Variants in CCDC50 observed in about 807,000 individuals in gnomAD.
CCDC50 encodes coiled-coil domain-containing protein 50.
A neutral mutation model predicts 70.2 loss-of-function variants in CCDC50; 54 were observed. The ratio of observed to expected loss-of-function variants is 0.77; its 90% CI spans 0.62 to 0.96. CCDC50 has a LOEUF of 0.96. CCDC50 is among the 50% of genes least tolerant of loss of function. CCDC50 has a pLI of 0.00. For synonymous variants in CCDC50, 216 were observed against 198.8 expected (o/e 1.09, Z -0.73); for missense variants, 558 against 578.7 (o/e 0.96, Z 0.37).
chr3:191,348,526 T>TA (rs1223154745), intron 1 of CCDC50, among the ~76,000 whole-genome samples: 1 of 142,426 alleles, frequency 7.0e-6, no homozygotes, highest in African/African-American at 2.5e-5. Context: ...GGGATTATTA[T>TA]ACTAAGGATA....
chr3:191,335,937 C>T (rs76935700), intron 1 of CCDC50, among the ~76,000 whole-genome samples: 2,582 of 149,998 alleles, frequency 0.017, 74 homozygotes, highest in African/African-American at 0.059. Context: ...CGTTTCATGC[C>T]CCCACCAGCC....
intron 6 of CCDC50, among the ~76,000 whole-genome samples, chr3:191,378,827 T>G (rs186066): frequency 6.6e-6 from 1 of 151,260 alleles, no homozygotes; most frequent in African/African-American, 2.4e-5. Context: ...GGCTCTAGAG[T>G]TGATTTGAAG....
In CCDC50 at chr3:191,393,767, A is replaced by T. The variant is rs1713771631; in HGVS notation, c.*2007A>T. The stretch of plus-strand genomic sequence containing the variant: ...TCAAATTCCAGATAGTGCTTTCAAT[A>T]TCCAAAGCTTAGGCCTTGTTTACTT... On this transcript the variant is annotated 3_prime_UTR_variant, in exon 12 of 12. Coordinates refer to ENST00000392455, the MANE Select transcript of CCDC50 (RefSeq NM_178335.3). The T allele has an allele frequency of 2.0e-5, 3 of 152,142 alleles. No homozygotes were observed. The allele number at this position is 152,142 out of a possible 1,614,324, so 9.4% of individuals were successfully genotyped here.
chr3:191,352,749 C>T (rs973727183), intron 1 of CCDC50, among the ~76,000 whole-genome samples: 1 of 125,490 alleles, frequency 8.0e-6, no homozygotes, highest in Non-Finnish European at 1.7e-5. Flanking sequence ...GCAGTATCTC[C>T]AAGATATGCC....
At chr3:191,349,076 C>T (rs951232062) in intron 1 of CCDC50, among the ~76,000 whole-genome samples, 3 of 141,196 alleles carry the variant, frequency 2.1e-5, no homozygotes, top group Non-Finnish European at 4.8e-5. Context: ...TCCCTACTTG[C>T]CCTGCTGATG....
At chr3:191,366,255 G>A (rs542123477) in intron 4 of CCDC50, among the ~76,000 whole-genome samples, 139 of 152,102 alleles carry the variant, frequency 9.1e-4, no homozygotes, top group South Asian at 3.1e-3. Context: ...TTTGACACAG[G>A]GCACACGTCT....
intron 1 of CCDC50, among the ~76,000 whole-genome samples, chr3:191,349,406 T>C (rs1005673661): frequency 7.0e-6 from 1 of 142,118 alleles, no homozygotes; most frequent in South Asian, 2.2e-4. Flanking sequence ...TTGAACAATA[T>C]CTTCTCTTCC....
At position 191,380,879 on chromosome 3, in the gene CCDC50, A is replaced by G; in HGVS notation, c.1189A>G (p.Lys397Glu). The G allele has an allele frequency of 6.2e-7, 1 of 1,613,044 alleles. No individual in the cohort carries two copies. Among genetic ancestry groups the G allele is most frequent in the African/African-American group, 1.3e-5 (1 of 74,996 alleles). Residue 397 changes from lysine to glutamate, a missense_variant, in exon 9 of 12, where the codon AAG becomes GAG. Physicochemically the swap from Lys to Glu is moderately conservative, Grantham distance 56. Transcript: ENST00000392455. ...AGAAAAGAAAGCTTACAAAAAAGCC[A>G]AGGAGCGGGAGAAATCATCTTTGGA... is the stretch of plus-strand genomic sequence containing the variant. ...AEEKKAYKKA[K>E]EREKSSLDKR...
intron 10 of CCDC50, 105 bp from the exon 11 acceptor site, chr3:191,389,391 T>G (rs1713604322): frequency 5.0e-6 from 5 of 1,002,506 alleles, no homozygotes; most frequent in Non-Finnish European, 8.0e-6. Context: ...GCATTTTGGC[T>G]TTTCATTTCA....
At chr3:191,361,185 C>A in intron 4 of CCDC50, 26 bp downstream of exon 4, 1 of 1,533,640 alleles carries the variant, frequency 6.5e-7, no homozygotes, top group Non-Finnish European at 9.0e-7. Flanking sequence ...TGCCCCTCTC[C>A]CTCATGGAGA....
chr3:191,338,238 A>C (rs1437837478), intron 1 of CCDC50, among the ~76,000 whole-genome samples: 1 of 152,204 alleles, frequency 6.6e-6, no homozygotes, highest in African/African-American at 2.4e-5. Flanking sequence ...ATATTCACTA[A>C]TTTTTGAGTA....
At chr3:191,344,260 C>T (rs1433581343) in intron 1 of CCDC50, among the ~76,000 whole-genome samples, 3 of 152,106 alleles carry the variant, frequency 2.0e-5, no homozygotes, top group South Asian at 2.1e-4. Flanking sequence ...TCTGTCATAC[C>T]GTCACGTTGT....
chr3:191,379,202 G>T (rs1159726171), intron 6 of CCDC50, among the ~76,000 whole-genome samples: 1 of 151,886 alleles, frequency 6.6e-6, no homozygotes, highest in African/African-American at 2.4e-5. Flanking sequence ...TCAAGGACAG[G>T]GCACACCCAG....
At chr3:191,375,693 T>C in intron 6 of CCDC50, 104 bp downstream of exon 6, 1 of 1,182,288 alleles carries the variant, frequency 8.5e-7, no homozygotes. Flanking sequence ...CTCTAGTTCA[T>C]GCTCATGACT....
Position 191,396,789 on chromosome 3 carries a change from A to G in CCDC50, c.*5029A>G, listed in dbSNP as rs1394301418. On this transcript the variant is annotated 3_prime_UTR_variant, in exon 12 of 12. Coordinates refer to ENST00000392455, the MANE Select transcript of CCDC50 (RefSeq NM_178335.3). ...TTTGCTTTGATAAGAAAGACACCAG[A>G]GTGGTGATTCTGTTTGATGCCACAG... 1 of 152,218 alleles carries G rather than the reference A, an allele frequency of 6.6e-6. No homozygotes were observed. Among genetic ancestry groups the G allele is most frequent in the Non-Finnish European group, 1.5e-5 (1 of 68,024 alleles). 9.4% of individuals were successfully genotyped at this position (152,218 alleles called of 1,614,324 possible). A position where few individuals can be genotyped will look rare whatever the true frequency, so the allele number is the denominator to read the frequency against.
At chr3:191,357,062 G>T (rs781119865) in intron 1 of CCDC50, 26 bp from the exon 2 acceptor site, 2 of 1,503,408 alleles carry the variant, frequency 1.3e-6, no homozygotes, top group African/African-American at 1.4e-5. Context: ...GAGCCTTCCT[G>T]TCTGTTTTTC....
chr3:191,330,747 C>A (rs1269637639), intron 1 of CCDC50, among the ~76,000 whole-genome samples: 3 of 152,164 alleles, frequency 2.0e-5, no homozygotes, highest in Non-Finnish European at 4.4e-5. Context: ...CTTAATTTGA[C>A]TCCGTTGGTC....
At chr3:191,360,817 GTGA>G (rs1487598087) in intron 3 of CCDC50, among the ~76,000 whole-genome samples, 1 of 152,146 alleles carries the variant, frequency 6.6e-6, no homozygotes, top group African/African-American at 2.4e-5. Context: ...ATTGTTGGGT[GTGA>G]TGATCAGATT....
intron 1 of CCDC50, among the ~76,000 whole-genome samples, chr3:191,329,950 G>A (rs1032030282): frequency 3.4e-4 from 49 of 143,032 alleles, no homozygotes; most frequent in Non-Finnish European, 6.3e-4. Flanking sequence ...GTTGGGGGGG[G>A]GGGGGGCTAG....
Sources: allele counts gnomAD v4.1 joint callset (sites outside exome capture counted in the v4.1 genomes callset), GRCh38; gene constraint gnomAD v4.1.1; transcripts MANE v1.5; gene names NCBI Gene and HGNC (gene_info 2026-07-23, HGNC 2026-07-21).